PLXNA4: variants seen among roughly 807,000 people sequenced by gnomAD.
PLXNA4 encodes plexin A4.
Under a neutral mutation model 191.8 loss-of-function variants are expected in PLXNA4, and 44 were observed. That is an observed-to-expected ratio of 0.23 (90% CI 0.18 to 0.29). PLXNA4 has a LOEUF of 0.29. PLXNA4 is among the 10% of genes least tolerant of loss of function. The pLI is 1.00. For synonymous variants in PLXNA4, 1,082 were observed against 1,009.5 expected (o/e 1.07, Z -1.36); for missense variants, 1,800 against 2,488.8 (o/e 0.72, Z 5.89).
At chr7:132,202,528 C>A in intron 12 of PLXNA4, 118 bp downstream of exon 12, 1 of 1,124,670 alleles carries the variant, frequency 8.9e-7, no homozygotes, top group Non-Finnish European at 1.2e-6. Flanking sequence ...GCAGAGCAAC[C>A]AAGTCCACCC....
At chr7:132,552,396 T>C (rs796551040) in intron 1 of PLXNA4, among the ~76,000 whole-genome samples, 9 of 152,286 alleles carry the variant, frequency 5.9e-5, no homozygotes, top group African/African-American at 2.2e-4. Flanking sequence ...TTGTTACTCT[T>C]ACCCCCCTTC....
intron 1 of PLXNA4, among the ~76,000 whole-genome samples, chr7:132,572,827 T>C (rs1284182086): frequency 6.6e-6 from 1 of 152,138 alleles, no homozygotes; most frequent in African/African-American, 2.4e-5. Context: ...CAGTGTCCTG[T>C]CCACAGGGCC....
At chr7:132,524,499 T>G (rs190927967) in intron 1 of PLXNA4, among the ~76,000 whole-genome samples, 1 of 152,206 alleles carries the variant, frequency 6.6e-6, no homozygotes, top group Non-Finnish European at 1.5e-5. Flanking sequence ...TTCCCCATTA[T>G]ATAAAACAGT....
intron 1 of PLXNA4, among the ~76,000 whole-genome samples, chr7:132,554,266 C>A (rs1224151715): frequency 1.3e-5 from 2 of 152,228 alleles, no homozygotes; most frequent in East Asian, 3.9e-4. Context: ...CCTGGGGGGA[C>A]AGTGTGACAA....
chr7:132,199,349 G>A (rs563556411), intron 12 of PLXNA4, among the ~76,000 whole-genome samples: 6 of 152,272 alleles, frequency 3.9e-5, no homozygotes, highest in East Asian at 1.9e-4. Context: ...CTCCTTTGCC[G>A]TTGTTGTTTG....
intron 1 of PLXNA4, among the ~76,000 whole-genome samples, chr7:132,546,028 G>C (rs1323834742): frequency 1.3e-5 from 2 of 152,312 alleles, no homozygotes; most frequent in Non-Finnish European, 2.9e-5. Flanking sequence ...GTCCAACAGG[G>C]GACTGGCTTT....
rs1204587504 is a variant in PLXNA4, at chr7:132,508,730, G to A, written c.-37C>T. 2 of 1,469,612 alleles carry A rather than the reference G, an allele frequency of 1.4e-6. No individual in the cohort carries two copies. The highest frequency in any genetic ancestry group is 1.8e-6 in the Non-Finnish European group (2 of 1,113,890). The allele number at this position is 1,469,612 out of a possible 1,614,324, so 91.0% of individuals were successfully genotyped here. On this transcript the variant is annotated 5_prime_UTR_variant, in exon 2 of 32. Transcript: ENST00000321063. This position sits in a 1 kb window ranked among gnomAD's most constrained non-coding sequence, Gnocchi z 4.4. The stretch of plus-strand genomic sequence containing the variant: ...GTCCCAGTGGCACAGCAGCACTCAG[G>A]CACAGTCGTCCCCTCAGAGGGCCAG...
At chr7:132,525,370 C>T (rs996144331) in intron 1 of PLXNA4, among the ~76,000 whole-genome samples, 13 of 152,196 alleles carry the variant, frequency 8.5e-5, no homozygotes, top group African/African-American at 3.1e-4. Flanking sequence ...CCACCTCAGC[C>T]TTCTGGGTAG....
rs1584742631 is a variant in PLXNA4 at position 132,130,449 on chromosome 7, C to T, written c.*30G>A. On this transcript the variant is annotated 3_prime_UTR_variant, in exon 32 of 32. Transcript: ENST00000321063. ...GACTGAGGCACGGCTTGGTGTGTCCCCCTCCAGGGCGGCCCTGGAAGGACG... is the reference window on the plus strand; with the variant it reads ...GACTGAGGCACGGCTTGGTGTGTCCTCCTCCAGGGCGGCCCTGGAAGGACG... The T allele has an allele frequency of 6.2e-7, 1 of 1,613,956 alleles. No homozygotes were observed. The highest frequency in any genetic ancestry group is 8.5e-7 in the Non-Finnish European group (1 of 1,179,930).
intron 2 of PLXNA4, among the ~76,000 whole-genome samples, chr7:132,602,170 G>A (rs1033847949): frequency 2.6e-5 from 4 of 152,182 alleles, no homozygotes; most frequent in African/African-American, 4.8e-5. Context: ...TCTAGGTAGC[G>A]AGGTAATTAG....
At chr7:132,187,174 A>AC (rs1018116839) in intron 15 of PLXNA4, among the ~76,000 whole-genome samples, 9 of 151,058 alleles carry the variant, frequency 6.0e-5, no homozygotes, top group East Asian at 5.8e-4. Flanking sequence ...CCACTCCCTA[A>AC]CCCCCCGCCT....
At chr7:132,346,207 T>C (rs553833771) in intron 3 of PLXNA4, among the ~76,000 whole-genome samples, 1 of 152,346 alleles carries the variant, frequency 6.6e-6, no homozygotes, top group South Asian at 2.1e-4. Flanking sequence ...AAAATAATGC[T>C]AACTTCATGG....
intron 2 of PLXNA4, among the ~76,000 whole-genome samples, chr7:132,613,921 C>T (rs534937388): frequency 2.0e-4 from 30 of 152,238 alleles, no homozygotes; most frequent in Admixed American, 4.6e-4. Context: ...GGGCGTGGGG[C>T]TTCAAAGGGC....
rs555487974 is a variant in PLXNA4 at position 132,472,994 on chromosome 7, C to T, written c.1371+16298G>A. ...ACTAAACATTATCATTGTGGAGTTACAGCTTCTCCTGTCAGGCCCACATCA... is the reference window on the plus strand; with the variant it reads ...ACTAAACATTATCATTGTGGAGTTATAGCTTCTCCTGTCAGGCCCACATCA... On this transcript the variant is annotated intron_variant, in intron 3 of 31. Coordinates refer to ENST00000321063, the MANE Select transcript of PLXNA4 (RefSeq NM_020911.2). Among the ~76,000 whole-genome samples, 11 of 152,344 alleles carry T rather than the reference C, an allele frequency of 7.2e-5. No individual in the cohort carries two copies. In the South Asian group the frequency reaches 2.3e-3, roughly 32 times the overall value.
At chr7:132,182,872 C>A (rs140272030) in intron 16 of PLXNA4, among the ~76,000 whole-genome samples, 1 of 152,216 alleles carries the variant, frequency 6.6e-6, no homozygotes, top group Non-Finnish European at 1.5e-5. Flanking sequence ...GGCCTAGGAG[C>A]TTCATCTTGT....
chr7:132,187,359 C>T, intron 15 of PLXNA4, 112 bp downstream of exon 15: 1 of 1,482,854 alleles, frequency 6.7e-7, no homozygotes, highest in East Asian at 2.3e-5. Flanking sequence ...AAGAACCTGT[C>T]AGGTGGTTAC....
chr7:132,166,670 G>A (rs1325450204), intron 22 of PLXNA4, among the ~76,000 whole-genome samples: 1 of 151,834 alleles, frequency 6.6e-6, no homozygotes, highest in African/African-American at 2.4e-5. Context: ...AAGGAAAGGA[G>A]GGCAGAAGGA....
At chr7:132,628,614 A>C (rs1484344664) in intron 2 of PLXNA4, among the ~76,000 whole-genome samples, 2 of 149,228 alleles carry the variant, frequency 1.3e-5, no homozygotes, top group East Asian at 3.9e-4. Flanking sequence ...TATTTTTTGG[A>C]TCTCCTGGAT....
chr7:132,532,306 C>A (rs1799648514), intron 1 of PLXNA4, among the ~76,000 whole-genome samples: 1 of 152,200 alleles, frequency 6.6e-6, no homozygotes, highest in African/African-American at 2.4e-5. Flanking sequence ...TAAAACCTGA[C>A]CATGCTTCAG....
Sources: gnomAD v4.1 joint callset for allele counts (sites outside exome capture counted in the v4.1 genomes callset) on GRCh38, gnomAD v4.1.1 for gene constraint, Gnocchi (gnomAD v3.1) non-coding constraint, MANE v1.5 for transcripts, NCBI Gene and HGNC (gene_info 2026-07-23, HGNC 2026-07-21) for gene names.